Variants in APP observed in about 807,000 individuals in gnomAD.
APP encodes the protein amyloid-beta precursor protein.
Under a neutral mutation model 101.4 loss-of-function variants are expected in APP, and 31 were observed. That is an observed-to-expected ratio of 0.31 (90% CI 0.23 to 0.41). APP has a LOEUF of 0.41. Among genes scored for constraint, APP ranks in the 10% least tolerant of loss-of-function variants. The pLI is 1.00. For missense variants in APP, 839 were observed against 1,003.7 expected (o/e 0.84, Z 2.22); for synonymous variants, 366 against 364.4 (o/e 1.00, Z -0.05).
chr21:26,015,313 T>C (rs73896806), intron 6 of APP, among the ~76,000 whole-genome samples: 3,040 of 152,328 alleles, frequency 0.02, 102 homozygotes, highest in African/African-American at 0.069. Flanking sequence ...GCAGTTACTG[T>C]ATACCAGGAA....
chr21:25,924,397 T>G (rs1601417201), intron 13 of APP, among the ~76,000 whole-genome samples: 1 of 99,986 alleles, frequency 1.0e-5, no homozygotes, highest in Non-Finnish European at 1.9e-5. Context: ...AAAAAAGATT[T>G]GAATTTGCAA....
At chr21:25,968,176 C>T (rs1323961589) in intron 11 of APP, among the ~76,000 whole-genome samples, 4 of 152,092 alleles carry the variant, frequency 2.6e-5, no homozygotes, top group South Asian at 2.1e-4. Flanking sequence ...TTTGGAACAG[C>T]GTCTTGCTTT....
intron 2 of APP, among the ~76,000 whole-genome samples, chr21:26,090,692 T>A (rs1394059178): frequency 2.0e-5 from 3 of 152,194 alleles, no homozygotes; most frequent in African/African-American, 7.2e-5. Flanking sequence ...AACGTTACAG[T>A]AGATATGGCT....
intron 13 of APP, among the ~76,000 whole-genome samples, chr21:25,923,520 A>C (rs371404131): frequency 2.8e-5 from 3 of 106,668 alleles, no homozygotes; most frequent in Non-Finnish European, 5.5e-5. Flanking sequence ...CAATGAACTC[A>C]AACAAATTTA....
chr21:26,037,145 A>C lies in APP; in HGVS notation c.662+13855T>G, dbSNP rs115335945. Among the ~76,000 whole-genome samples, 138 of 152,380 alleles carry C rather than the reference A, an allele frequency of 9.1e-4. 1 individual carries two copies. The highest frequency in any genetic ancestry group is 3.3e-3 in the African/African-American group (137 of 41,592). ...AGAAAGTTAAACACCACATGCTCTCATATGCAGAAGCTAGAAAATGTTGAT... is the reference window on the plus strand; with the variant it reads ...AGAAAGTTAAACACCACATGCTCTCCTATGCAGAAGCTAGAAAATGTTGAT... On this transcript the variant is annotated intron_variant, in intron 5 of 17. Transcript: ENST00000346798.
At chr21:25,998,258 C>T (rs1472610583) in intron 7 of APP, among the ~76,000 whole-genome samples, 1 of 152,148 alleles carries the variant, frequency 6.6e-6, no homozygotes, top group Non-Finnish European at 1.5e-5. Context: ...TAACAAAAGG[C>T]CTTTGTTCCA....
chr21:25,936,817 A>G (rs899029556), intron 13 of APP, among the ~76,000 whole-genome samples: 1 of 152,200 alleles, frequency 6.6e-6, no homozygotes, highest in African/African-American at 2.4e-5. Flanking sequence ...AGACAAAAGA[A>G]AGAGCACAGG....
At chr21:25,997,922 T>C (rs1161561469) in intron 7 of APP, among the ~76,000 whole-genome samples, 1 of 152,148 alleles carries the variant, frequency 6.6e-6, no homozygotes, top group Non-Finnish European at 1.5e-5. Context: ...TACATCTCTG[T>C]TGGGAGCATC....
chr21:25,924,339 G>C (rs1313174620), intron 13 of APP, among the ~76,000 whole-genome samples: 1 of 42 alleles, frequency 0.024, no homozygotes, highest in Non-Finnish European at 0.25. Context: ...ATGTAACTAA[G>C]CTGCACAATG....
chr21:26,052,474 T>C (rs1226634181), intron 4 of APP, among the ~76,000 whole-genome samples: 1 of 151,868 alleles, frequency 6.6e-6, no homozygotes, highest in Non-Finnish European at 1.5e-5. Flanking sequence ...AATAAACCTA[T>C]ATAAATTTAT....
intron 13 of APP, among the ~76,000 whole-genome samples, chr21:25,949,283 C>G (rs764519150): frequency 1.7e-4 from 26 of 152,182 alleles, no homozygotes; most frequent in Middle Eastern, 3.4e-3. Flanking sequence ...AACAGGACAG[C>G]ACAATTAAAT....
At chr21:26,114,919 CAT>C (rs2062402887) in intron 1 of APP, among the ~76,000 whole-genome samples, 1 of 152,014 alleles carries the variant, frequency 6.6e-6, no homozygotes, top group Non-Finnish European at 1.5e-5. Context: ...CATCTGTTGG[CAT>C]ATGTGTGTAT....
intron 13 of APP, among the ~76,000 whole-genome samples, chr21:25,951,998 AG>A (rs1375818263): frequency 6.6e-6 from 1 of 152,198 alleles, no homozygotes; most frequent in Non-Finnish European, 1.5e-5. Context: ...GATAGTGTAC[AG>A]GGTTCGTTAT....
intron 17 of APP, among the ~76,000 whole-genome samples, chr21:25,888,799 G>C (rs2146223846): frequency 6.6e-6 from 1 of 152,332 alleles, no homozygotes; most frequent in South Asian, 2.1e-4. Flanking sequence ...AATTCAGGCA[G>C]CTGGAAGAGC....
At chr21:25,979,967 G>C (rs562443383) in intron 9 of APP, among the ~76,000 whole-genome samples, 1 of 152,352 alleles carries the variant, frequency 6.6e-6, no homozygotes, top group East Asian at 1.9e-4. Flanking sequence ...TAAATGAAAG[G>C]TAAGAGCAAT....
chr21:26,064,831 T>C (rs1002450176), intron 3 of APP, among the ~76,000 whole-genome samples: 2 of 152,054 alleles, frequency 1.3e-5, no homozygotes, highest in Non-Finnish European at 2.9e-5. Flanking sequence ...GATTTCTTTG[T>C]TGTTGTTTTT....
intron 17 of APP, among the ~76,000 whole-genome samples, chr21:25,887,839 A>G (rs1021042781): frequency 4.6e-5 from 7 of 152,198 alleles, no homozygotes; most frequent in Non-Finnish European, 1.0e-4. Context: ...AGATTTATGT[A>G]CATGTACTTT....
chr21:26,138,874 G>A (rs978444784), intron 1 of APP, among the ~76,000 whole-genome samples: 3 of 152,164 alleles, frequency 2.0e-5, no homozygotes, highest in African/African-American at 7.2e-5. Context: ...GTCAGGAACT[G>A]CTCCCTTGTT....
At chr21:26,117,725 A>T (rs778847068) in intron 1 of APP, among the ~76,000 whole-genome samples, 3 of 152,216 alleles carry the variant, frequency 2.0e-5, no homozygotes, top group Non-Finnish European at 4.4e-5. Flanking sequence ...GAAGCTATTA[A>T]AAAAGAAAAA....
Sources: allele counts gnomAD v4.1 joint callset (sites outside exome capture counted in the v4.1 genomes callset), GRCh38; gene constraint gnomAD v4.1.1; transcripts MANE v1.5; gene names NCBI Gene and HGNC (gene_info 2026-07-23, HGNC 2026-07-21).